SYT17: variants seen among roughly 807,000 people sequenced by gnomAD.
SYT17 encodes synaptotagmin 17.
In SYT17, 22 loss-of-function variants were observed where a neutral mutation model predicts 46.7. The ratio of observed to expected loss-of-function variants is 0.47; its 90% CI spans 0.34 to 0.67. The LOEUF is 0.67. Ranked by LOEUF, SYT17 falls within the 30% of genes least tolerant of loss-of-function variation. The probability of loss-of-function intolerance (pLI) is 0.01; values close to 1 mark genes in which losing one functional copy is unlikely to be tolerated. For synonymous variants in SYT17, 251 were observed against 248.4 expected (o/e 1.01, Z -0.10); for missense variants, 519 against 612.8 (o/e 0.85, Z 1.62).
intron 7 of SYT17, among the ~76,000 whole-genome samples, chr16:19,241,892 C>T (rs571063709): frequency 2.6e-4 from 39 of 152,296 alleles, no homozygotes; most frequent in Non-Finnish European, 4.7e-4. Context: ...GCCCGTTCCC[C>T]GCAACTGCCC....
chr16:19,221,209 G>A (rs28481293), intron 5 of SYT17, among the ~76,000 whole-genome samples: 1 of 121,442 alleles, frequency 8.2e-6, no homozygotes. Flanking sequence ...AAAAAAAAAA[G>A]AGAGAGAGAG....
At chr16:19,250,201 T>A in intron 7 of SYT17, 1 of 979,994 alleles carries the variant, frequency 1.0e-6, no homozygotes, top group Non-Finnish European at 1.4e-6. Context: ...TCAGATTCTG[T>A]AATGAACATT....
chr16:19,267,559 G>A lies in SYT17; in HGVS notation c.*483G>A, dbSNP rs530822284. ...TCTGAACAGGCTGCTGTTCCCTGGG[G>A]TTCTTCAAACCTGATACCTTTCTCC... On this transcript the variant is annotated 3_prime_UTR_variant, in exon 8 of 8. Transcript: ENST00000355377. 5 of 152,760 alleles carry A rather than the reference G, an allele frequency of 3.3e-5. No homozygotes were observed. Among genetic ancestry groups the A allele is most frequent in the African/African-American group, 9.6e-5 (4 of 41,562 alleles). 9.5% of individuals were successfully genotyped at this position (152,760 alleles called of 1,614,324 possible). A position where few individuals can be genotyped will look rare whatever the true frequency, so the allele number is the denominator to read the frequency against.
In SYT17 at chr16:19,184,534, C is replaced by T. The variant is rs572821152; in HGVS notation, c.951+387C>T. On this transcript the variant is annotated intron_variant, in intron 5 of 7. Coordinates refer to ENST00000355377, the MANE Select transcript of SYT17 (RefSeq NM_016524.4). ...CTGAGTAGCTGGGACTATAGGCGCC[C>T]GCCACCACGCCCTGCTAATTTTTTT... Among the ~76,000 whole-genome samples the T allele has an allele frequency of 4.6e-5, 7 of 150,882 alleles. No homozygotes were observed. In the East Asian group the frequency reaches 7.8e-4, roughly 17 times the overall value.
intron 7 of SYT17, among the ~76,000 whole-genome samples, chr16:19,251,105 A>T (rs1473004097): frequency 1.3e-5 from 2 of 152,210 alleles, no homozygotes; most frequent in Non-Finnish European, 2.9e-5. Context: ...TTCTAGTAAT[A>T]GGGTGATTTT....
intron 5 of SYT17, among the ~76,000 whole-genome samples, chr16:19,196,329 G>A (rs918615764): frequency 4.7e-5 from 7 of 150,326 alleles, no homozygotes; most frequent in Non-Finnish European, 1.0e-4. Flanking sequence ...TGCAACCTCC[G>A]CCTCCCGATT....
At chr16:19,222,643 C>G (rs1966362912) in intron 5 of SYT17, among the ~76,000 whole-genome samples, 1 of 152,206 alleles carries the variant, frequency 6.6e-6, no homozygotes, top group South Asian at 2.1e-4. Context: ...CCAGCTCTAC[C>G]ACTTTCTTGC....
chr16:19,173,263 C>G, intron 2 of SYT17, 167 bp from the exon 3 acceptor site: 4 of 554,892 alleles, frequency 7.2e-6, no homozygotes, highest in Non-Finnish European at 1.2e-5. Flanking sequence ...AAATGGAAAA[C>G]ATTTTGTTCT....
At chr16:19,192,422 T>C (rs1487041955) in intron 5 of SYT17, among the ~76,000 whole-genome samples, 4 of 151,662 alleles carry the variant, frequency 2.6e-5, no homozygotes, top group South Asian at 4.2e-4. Context: ...CCCTGTCTCA[T>C]AGAAAAAAAA....
chr16:19,209,522 A>T lies in SYT17; in HGVS notation c.952-13523A>T, dbSNP rs74011540. Among the ~76,000 whole-genome samples the T allele has an allele frequency of 3.7e-3, 556 of 152,282 alleles. 6 individuals carry two copies. Among genetic ancestry groups the T allele is most frequent in the African/African-American group, 0.013 (537 of 41,554 alleles). ...ACCAATATAATCCAGTGTGAAATGCAGCTTGTCAGCCTCACTGGGGGCTTA... is the reference window on the plus strand; with the variant it reads ...ACCAATATAATCCAGTGTGAAATGCTGCTTGTCAGCCTCACTGGGGGCTTA... On this transcript the variant is annotated intron_variant, in intron 5 of 7. Coordinates refer to ENST00000355377, the MANE Select transcript of SYT17 (RefSeq NM_016524.4).
At chr16:19,232,552 C>T (rs929223888) in intron 7 of SYT17, among the ~76,000 whole-genome samples, 1 of 152,036 alleles carries the variant, frequency 6.6e-6, no homozygotes, top group Admixed American at 6.6e-5. Context: ...AACCCTTGGC[C>T]CGGTGCGGTG....
At chr16:19,202,768 C>A (rs1965515756) in intron 5 of SYT17, among the ~76,000 whole-genome samples, 1 of 152,128 alleles carries the variant, frequency 6.6e-6, no homozygotes, top group Admixed American at 6.5e-5. Flanking sequence ...GCTCTGTCAC[C>A]TAGGCTGGAG....
chr16:19,180,396 C>A lies in SYT17; in HGVS notation c.188C>A (p.Ala63Asp), dbSNP rs766474439. ...FPAQTPPWLM[A>D]SRSSDKDGDS... ...GACCTCTTCCCTTCCTATAGGATGG[C>A]CAGCCGGAGCAGTGACAAGGATGGT... The change falls in exon 4 of 8, where the codon GCC (alanine) becomes GAC (aspartate). Residue 63 changes from alanine (A) to aspartate (D), a missense_variant. Coordinates refer to ENST00000355377, the MANE Select transcript of SYT17 (RefSeq NM_016524.4). 1.2e-6 allele frequency: 2 copies of A among 1,614,150 alleles called. No individual in the cohort carries two copies. Among genetic ancestry groups the A allele is most frequent in the Non-Finnish European group, 1.7e-6 (2 of 1,180,008 alleles).
intron 3 of SYT17, 64 bp downstream of exon 3, chr16:19,173,642 G>A: frequency 6.4e-7 from 1 of 1,564,756 alleles, no homozygotes; most frequent in Non-Finnish European, 8.7e-7. Flanking sequence ...TTAATGAGAA[G>A]GCGGGTTGGG....
At chr16:19,256,312 C>T (rs1156415888) in intron 7 of SYT17, among the ~76,000 whole-genome samples, 1 of 151,932 alleles carries the variant, frequency 6.6e-6, no homozygotes, top group Non-Finnish European at 1.5e-5. Flanking sequence ...ATGCTGGACC[C>T]TAGAGAGATG....
chr16:19,216,551 G>A (rs925025852), intron 5 of SYT17, among the ~76,000 whole-genome samples: 8 of 151,982 alleles, frequency 5.3e-5, no homozygotes, highest in Admixed American at 1.3e-4. Context: ...ACCCCCAACA[G>A]ATCCTGGTAT....
chr16:19,223,216 T>G, intron 6 of SYT17, 51 bp downstream of exon 6: 1 of 1,596,480 alleles, frequency 6.3e-7, no homozygotes, highest in East Asian at 2.2e-5. Context: ...GCATCTGTGT[T>G]TGTGTGGAGA....
At chr16:19,195,284 G>A (rs575534386) in intron 5 of SYT17, among the ~76,000 whole-genome samples, 1 of 152,234 alleles carries the variant, frequency 6.6e-6, no homozygotes, top group Non-Finnish European at 1.5e-5. Context: ...ACTGGGACTT[G>A]AACCCATGTC....
intron 5 of SYT17, among the ~76,000 whole-genome samples, chr16:19,196,768 T>C (rs190914657): frequency 4.7e-4 from 72 of 152,334 alleles, no homozygotes; most frequent in Non-Finnish European, 8.1e-4. Context: ...ATTAGGATGC[T>C]CTGGGCGTTG....
Sources: gnomAD v4.1 joint callset for allele counts (sites outside exome capture counted in the v4.1 genomes callset) on GRCh38, gnomAD v4.1.1 for gene constraint, MANE v1.5 for transcripts, NCBI Gene and HGNC (gene_info 2026-07-23, HGNC 2026-07-21) for gene names.